ADAM19: variants seen among roughly 807,000 people sequenced by gnomAD.
ADAM19 encodes ADAM metallopeptidase domain 19.
Under a neutral mutation model 114.7 loss-of-function variants are expected in ADAM19, and 65 were observed. The ratio of observed to expected loss-of-function variants is 0.57; its 90% CI spans 0.46 to 0.70. The LOEUF (loss-of-function observed/expected upper bound fraction) is 0.70, where lower values mean the gene tolerates loss of function less well. Among genes scored for constraint, ADAM19 ranks in the 30% least tolerant of loss-of-function variants. ADAM19 has a pLI of 0.00. For missense variants in ADAM19, 1,063 were observed against 1,204.7 expected, an observed-to-expected ratio of 0.88 and a Z score of 1.74; for synonymous variants, 466 against 460.5, an observed-to-expected ratio of 1.01 and a Z score of -0.15.
intron 7 of ADAM19, among the ~76,000 whole-genome samples, chr5:157,518,492 C>T (rs1756161023): frequency 1.3e-5 from 2 of 152,228 alleles, no homozygotes; most frequent in Admixed American, 1.3e-4. Context: ...TCAGGAAATG[C>T]TACTGCCACA....
At chr5:157,481,766 C>A in intron 22 of ADAM19, 25 bp downstream of exon 22, 4 of 1,559,942 alleles carry the variant, frequency 2.6e-6, no homozygotes, top group East Asian at 2.4e-5. Flanking sequence ...CCAGCTTTCA[C>A]CTTGAGGGCT....
Position 157,509,421 on chromosome 5 carries a change from A to G in ADAM19, c.785T>C (p.Val262Ala). Residue 262 changes from valine to alanine, a missense_variant, in exon 9 of 23, where the codon GTG becomes GCG. By Grantham distance (64) the Val-to-Ala change is moderately conservative (BLOSUM62 0). Around this residue, in one of 3 missense-constraint regions of ADAM19, gnomAD observed 615 missense variants for 706.3 expected, o/e 0.87. Coordinates refer to ENST00000257527, the MANE Select transcript of ADAM19 (RefSeq NM_033274.5). ...NIRIALVGLE[V>A]WTHGNMCEVS... ...TTCACACATGTTCCCGTGGGTCCAC[A>G]CTTCCAAGCCCACGAGAGCAATCCG... 3.1e-6 allele frequency: 5 copies of G among 1,612,604 alleles called. No individual in the cohort carries two copies. The highest frequency in any genetic ancestry group is 4.2e-6 in the Non-Finnish European group (5 of 1,179,232).
Position 157,477,450 on chromosome 5 carries a change from T to C in ADAM19, c.*3499A>G, listed in dbSNP as rs905658760. 3.9e-6 allele frequency: 4 copies of C among 1,034,358 alleles called. No individual in the cohort carries two copies. The highest frequency in any genetic ancestry group is 4.7e-6 in the Non-Finnish European group (4 of 856,232). The allele number at this position is 1,034,358 out of a possible 1,614,324, so 64.1% of individuals were successfully genotyped here. A position where few individuals can be genotyped will look rare whatever the true frequency, so the allele number is the denominator to read the frequency against. On this transcript the variant is annotated 3_prime_UTR_variant, in exon 23 of 23. Coordinates refer to ENST00000257527, the MANE Select transcript of ADAM19 (RefSeq NM_033274.5). ...AAGAGAGAAGAAGATCTGTTTTCCG[T>C]GAACAATCTCCCAAATAAAAAGAAA... is the stretch of plus-strand genomic sequence containing the variant.
chr5:157,530,706 A>T, intron 5 of ADAM19, 101 bp downstream of exon 5: 1 of 1,006,310 alleles, frequency 9.9e-7, no homozygotes, highest in Non-Finnish European at 1.5e-6. Flanking sequence ...CACATTCTCA[A>T]TGGACTCCTT....
intron 15 of ADAM19, among the ~76,000 whole-genome samples, chr5:157,494,153 T>C (rs1755267999): frequency 6.8e-6 from 1 of 146,816 alleles, no homozygotes; most frequent in Admixed American, 6.9e-5. Flanking sequence ...AGTAGATGGA[T>C]AGATGGACGG....
chr5:157,513,717 A>T (rs2062483601), intron 7 of ADAM19, among the ~76,000 whole-genome samples: 1 of 152,228 alleles, frequency 6.6e-6, no homozygotes, highest in South Asian at 2.1e-4. Context: ...AGCTCAGCGC[A>T]GCACACACAG....
At chr5:157,575,282 CGGA>C (rs1757941073) in intron 1 of ADAM19, among the ~76,000 whole-genome samples, 1 of 152,132 alleles carries the variant, frequency 6.6e-6, no homozygotes, top group Admixed American at 6.5e-5. Flanking sequence ...CGTGAGAAAA[CGGA>C]GGAGGATAAG....
chr5:157,537,564 C>T (rs955299334), intron 4 of ADAM19, among the ~76,000 whole-genome samples: 1 of 152,100 alleles, frequency 6.6e-6, no homozygotes, highest in African/African-American at 2.4e-5. Context: ...TTGGATGAGA[C>T]GACAGGATTA....
At chr5:157,557,642 C>A (rs994942224) in intron 3 of ADAM19, among the ~76,000 whole-genome samples, 4 of 152,150 alleles carry the variant, frequency 2.6e-5, no homozygotes, top group Admixed American at 2.6e-4. Flanking sequence ...GTTCTAGAGT[C>A]TGAGAAGTCC....
chr5:157,538,088 C>A, intron 3 of ADAM19, 97 bp from the exon 4 acceptor site: 1 of 912,972 alleles, frequency 1.1e-6, no homozygotes, highest in East Asian at 2.6e-5. Flanking sequence ...CAGGACTATC[C>A]CAAGCATCTC....
At chr5:157,483,562 G>T (rs531978813) in intron 21 of ADAM19, among the ~76,000 whole-genome samples, 1 of 152,060 alleles carries the variant, frequency 6.6e-6, no homozygotes, top group South Asian at 2.1e-4. Context: ...ACAGAAAAAA[G>T]GAAGGATACA....
rs980828157 is a variant in ADAM19, at chr5:157,575,714, G to A, written c.-18C>T. On this transcript the variant is annotated 5_prime_UTR_variant, in exon 1 of 23. Transcript: ENST00000257527. ...CCTGGCATGGTGGCGGCGGCCCTTA[G>A]CGCTCGGCGCTCACACGCCCTCAGC... is the stretch of plus-strand genomic sequence containing the variant. The A allele has an allele frequency of 7.6e-5, 100 of 1,309,868 alleles. No individual in the cohort carries two copies. The highest frequency in any genetic ancestry group is 9.3e-5 in the Non-Finnish European group (96 of 1,031,166). 81.1% of individuals were successfully genotyped at this position (1,309,868 alleles called of 1,614,324 possible).
intron 1 of ADAM19, among the ~76,000 whole-genome samples, chr5:157,574,593 T>G (rs367969164): frequency 6.6e-5 from 10 of 152,254 alleles, no homozygotes; most frequent in African/African-American, 2.4e-4. Context: ...CGCTGACTGT[T>G]GGTCCCCCAA....
intron 18 of ADAM19, 135 bp from the exon 19 acceptor site, chr5:157,490,589 TA>T: frequency 8.5e-7 from 1 of 1,176,842 alleles, no homozygotes; most frequent in Non-Finnish European, 1.2e-6. Flanking sequence ...ACTTACAAAT[TA>T]TAATTAAAAA....
At chr5:157,526,624 ATTT>A (rs34746765) in intron 5 of ADAM19, among the ~76,000 whole-genome samples, 1 of 145,484 alleles carries the variant, frequency 6.9e-6, no homozygotes, top group Non-Finnish European at 1.5e-5. Context: ...TATTGGTGTC[ATTT>A]TTTTTTTTTT....
At chr5:157,524,788 G>A (rs909397510) in intron 5 of ADAM19, among the ~76,000 whole-genome samples, 1 of 152,182 alleles carries the variant, frequency 6.6e-6, no homozygotes, top group Non-Finnish European at 1.5e-5. Flanking sequence ...TAATAACACT[G>A]CCCATCTCAC....
rs767131015 is a variant in ADAM19 at position 157,481,896 on chromosome 5, T to C, written c.2598A>G (p.Pro866=). The change falls in exon 22 of 23, where the codon CCA becomes CCG. Residue 866 remains proline (P), a synonymous_variant. Coordinates refer to ENST00000257527, the MANE Select transcript of ADAM19 (RefSeq NM_033274.5). ...TGGGGAGGCTCCTGCGGCCTGGCAC[T>C]GGGTTTGCCGGGAGTGCCTTCTGGG... The part of the protein sequence containing the change: ...RPPQKALPAN[P]VPGRRSLPRP... 13 of 1,604,858 alleles carry C rather than the reference T, an allele frequency of 8.1e-6. No homozygotes were observed. The Admixed American group carries it at 2.2e-4, about 27-fold the overall frequency.
At chr5:157,539,323 G>C (rs925723356) in intron 3 of ADAM19, among the ~76,000 whole-genome samples, 1 of 152,150 alleles carries the variant, frequency 6.6e-6, no homozygotes, top group African/African-American at 2.4e-5. Context: ...ATTTAAAACT[G>C]CTCTTAAAAA....
chr5:157,574,546 C>A (rs554701308), intron 1 of ADAM19, among the ~76,000 whole-genome samples: 65 of 152,220 alleles, frequency 4.3e-4, no homozygotes, highest in African/African-American at 1.4e-3. Flanking sequence ...TCCAGCCAGC[C>A]CACCCTCGCT....
Sources: gnomAD v4.1 joint callset for allele counts (sites outside exome capture counted in the v4.1 genomes callset) on GRCh38, gnomAD v4.1.1 for gene constraint, gnomAD v4.1.1 regional missense constraint, MANE v1.5 for transcripts, NCBI Gene and HGNC (gene_info 2026-07-23, HGNC 2026-07-21) for gene names.